Variants in IL17D observed in about 807,000 individuals in gnomAD.
IL17D encodes the protein interleukin-17D.
Under a neutral mutation model 5.7 loss-of-function variants are expected in IL17D, and 10 were observed. That is an observed-to-expected ratio of 1.75 (90% confidence interval 1.08 to 2.97). IL17D has a LOEUF of 2.97. IL17D is among the 30% of genes most tolerant of loss of function. The pLI, the probability that IL17D is intolerant of heterozygous loss-of-function variation, is 0.00. For synonymous variants in IL17D, 172 were observed against 141.7 expected (o/e 1.21, Z -1.52); for missense variants, 354 against 292.7 (o/e 1.21, Z -1.53).
chr13:20,719,692 G>A (rs2058716165), intron 1 of IL17D, among the ~76,000 whole-genome samples: 1 of 152,194 alleles, frequency 6.6e-6, no homozygotes. Flanking sequence ...ATCGGAAAAT[G>A]AACAGACACG....
intron 1 of IL17D, among the ~76,000 whole-genome samples, chr13:20,718,935 CACG>C (rs2058709078): frequency 6.7e-6 from 1 of 149,298 alleles, no homozygotes; most frequent in Non-Finnish European, 1.5e-5. Flanking sequence ...CACACCTGCC[CACG>C]CTCACACCTG....
At chr13:20,709,772 A>G (rs2058619865) in intron 1 of IL17D, among the ~76,000 whole-genome samples, 1 of 152,206 alleles carries the variant, frequency 6.6e-6, no homozygotes, top group African/African-American at 2.4e-5. Flanking sequence ...GAGAGCAGAA[A>G]GGGAATTTCT....
rs1406582804 is a variant in IL17D, at chr13:20,704,144, C to G, written c.143C>G (p.Ala48Gly). The change falls in exon 1 of 2, where the codon GCC becomes GGC. Residue 48 changes from alanine to glycine, a missense_variant. Ala to Gly is a moderately conservative substitution (Grantham distance 60). Transcript: ENST00000682841. ...LLEQLYGRLAAGVLSAFHHTL... is the reference protein window; with the variant it reads ...LLEQLYGRLAGGVLSAFHHTL... ...GAGCAGCTGTACGGGCGCCTGGCGG[C>G]CGGCGTGCTCAGTGCCTTCCACCAC... The G allele has an allele frequency of 7.4e-7, 1 of 1,346,820 alleles. No homozygotes were observed. The highest frequency in any genetic ancestry group is 9.6e-7 in the Non-Finnish European group (1 of 1,039,766). The allele number at this position is 1,346,820 out of a possible 1,614,324, so 83.4% of individuals were successfully genotyped here.
At position 20,718,736 on chromosome 13, in the gene IL17D, G is replaced by A. The variant is rs537656093; in HGVS notation, c.291-2900G>A. 2.9e-4 allele frequency among the ~76,000 whole-genome samples: 18 copies of A among 62,826 alleles called. 1 individual carries two copies. In the South Asian group the frequency reaches 6.5e-3, roughly 23 times the overall value. The allele number at this position is 62,826 out of a possible 152,430, so 41.2% of individuals were successfully genotyped here. A position where few individuals can be genotyped will look rare whatever the true frequency, so the allele number is the denominator to read the frequency against. ...CCTGCCCACTTACACACATGGCTACGCTCACACACACCTGCCTGTGCTCAC... is the reference window on the plus strand; with the variant it reads ...CCTGCCCACTTACACACATGGCTACACTCACACACACCTGCCTGTGCTCAC... On this transcript the variant is annotated intron_variant, in intron 1 of 1. Coordinates refer to ENST00000682841, the MANE Select transcript of IL17D (RefSeq NM_001385224.1).
chr13:20,710,351 C>G (rs1430656005), intron 1 of IL17D, among the ~76,000 whole-genome samples: 1 of 150,286 alleles, frequency 6.7e-6, no homozygotes, highest in Non-Finnish European at 1.5e-5. Context: ...CAGTGGCTCA[C>G]ACCTGTAATC....
chr13:20,711,448 C>G (rs898261183), intron 1 of IL17D, among the ~76,000 whole-genome samples: 5 of 152,138 alleles, frequency 3.3e-5, no homozygotes, highest in Non-Finnish European at 7.4e-5. Context: ...GCAGAGCCCT[C>G]CTGACCCAGT....
At position 20,719,517 on chromosome 13, in the gene IL17D, G is replaced by A. The variant is rs549546923; in HGVS notation, c.291-2119G>A. On this transcript the variant is annotated intron_variant, in intron 1 of 1. Coordinates refer to ENST00000682841, the MANE Select transcript of IL17D (RefSeq NM_001385224.1). ...CACACATGCTCACACTCATGTTCACGGTCAAATTTCTGTATTGTCCCATAA... is the reference window on the plus strand; with the variant it reads ...CACACATGCTCACACTCATGTTCACAGTCAAATTTCTGTATTGTCCCATAA... Among the ~76,000 whole-genome samples, 29 of 152,188 alleles carry A rather than the reference G, an allele frequency of 1.9e-4. No individual in the cohort carries two copies. In the East Asian group the frequency reaches 3.9e-3, roughly 20 times the overall value.
chr13:20,717,629 G>A (rs41523644), intron 1 of IL17D, among the ~76,000 whole-genome samples: 53,780 of 152,058 alleles, frequency 0.35, 11,431 homozygotes, highest in Non-Finnish European at 0.48. Flanking sequence ...AAGCCCCCGC[G>A]CCCTGGGCAG....
At chr13:20,705,344 G>A (rs2058583638) in intron 1 of IL17D, among the ~76,000 whole-genome samples, 2 of 151,982 alleles carry the variant, frequency 1.3e-5, no homozygotes, top group South Asian at 4.2e-4. Context: ...TAGGCGAGGT[G>A]TTTGCCTGTG....
intron 1 of IL17D, among the ~76,000 whole-genome samples, chr13:20,715,828 C>T (rs893380214): frequency 6.6e-6 from 1 of 152,078 alleles, no homozygotes; most frequent in South Asian, 2.1e-4. Flanking sequence ...ACTGCAGCCT[C>T]GACCTCCCAG....
chr13:20,714,712 G>A (rs2058665148), intron 1 of IL17D, among the ~76,000 whole-genome samples: 1 of 152,214 alleles, frequency 6.6e-6, no homozygotes, highest in South Asian at 2.1e-4. Context: ...GCCCTGGGCA[G>A]ACCTCATTGC....
rs1269133012 is a variant in IL17D at position 20,708,978 on chromosome 13, AGAAAG to A, written c.290+4688_290+4692del. Among the ~76,000 whole-genome samples the A allele has an allele frequency of 1.1e-4, 14 of 131,128 alleles. 1 individual carries two copies. Among genetic ancestry groups the A allele is most frequent in the African/African-American group, 1.1e-4 (4 of 36,616 alleles). 86.0% of individuals were successfully genotyped at this position (131,128 alleles called of 152,430 possible). On this transcript the variant is annotated intron_variant, in intron 1 of 1. Transcript: ENST00000682841. Reference sequence around the variant, plus strand: ...TCTGTCTCAAAAAAAAAAAAAAAAAAGAAAGAAAGAAAAGAAAAGGACCAGTGACA... The same window carrying A: ...TCTGTCTCAAAAAAAAAAAAAAAAAAAAAGAAAAGAAAAGGACCAGTGACA...
rs1272274041 is a variant in IL17D, at chr13:20,716,228, AC to A, written c.291-5406del. 1 of 295,920 alleles carries A rather than the reference AC, an allele frequency of 3.4e-6. No individual in the cohort carries two copies. The highest frequency in any genetic ancestry group is 5.0e-6 in the Non-Finnish European group (1 of 199,730). The allele number at this position is 295,920 out of a possible 1,614,324, so 18.3% of individuals were successfully genotyped here. On this transcript the variant is annotated intron_variant, in intron 1 of 1. Coordinates refer to ENST00000682841, the MANE Select transcript of IL17D (RefSeq NM_001385224.1). The surrounding 1 kb of genome is among the most constrained non-coding windows in gnomAD (Gnocchi z 4.2). ...AGAGGACGGCGGATGTCTTGGTATT[AC>A]CATGGTTGTATAACGTCTTGAGATC...
chr13:20,712,232 CATT>C (rs763506839), intron 1 of IL17D, among the ~76,000 whole-genome samples: 15 of 152,192 alleles, frequency 9.9e-5, no homozygotes, highest in Non-Finnish European at 2.1e-4. Context: ...GGGGTTATAA[CATT>C]AGAGAAAGAT....
chr13:20,715,273 G>A (rs1356263118), intron 1 of IL17D, among the ~76,000 whole-genome samples: 1 of 151,426 alleles, frequency 6.6e-6, no homozygotes, highest in African/African-American at 2.4e-5. Flanking sequence ...GGGTGGGGGG[G>A]ACACTGATTA....
chr13:20,717,225 G>A (rs1246205816), intron 1 of IL17D: 1 of 152,228 alleles, frequency 6.6e-6, no homozygotes, highest in African/African-American at 2.4e-5. Context: ...GATCCCATCA[G>A]AGGGGAAAAC....
At chr13:20,718,038 G>A (rs2058691292) in intron 1 of IL17D, among the ~76,000 whole-genome samples, 1 of 152,082 alleles carries the variant, frequency 6.6e-6, no homozygotes, top group Non-Finnish European at 1.5e-5. Flanking sequence ...GAACTCAGAG[G>A]GCCGGGCGAT....
intron 1 of IL17D, among the ~76,000 whole-genome samples, chr13:20,706,129 C>G (rs1384621914): frequency 1.3e-5 from 2 of 152,178 alleles, no homozygotes; most frequent in Non-Finnish European, 2.9e-5. Context: ...GAGCCCCTGC[C>G]CACGGGGAAG....
intron 1 of IL17D, among the ~76,000 whole-genome samples, chr13:20,708,110 G>A (rs1002018369): frequency 3.3e-5 from 5 of 152,004 alleles, no homozygotes; most frequent in African/African-American, 9.7e-5. Context: ...ACAGGGTTTC[G>A]CCATGTTGGC....
Sources: allele counts gnomAD v4.1 joint callset (sites outside exome capture counted in the v4.1 genomes callset), GRCh38; gene constraint gnomAD v4.1.1; non-coding constraint Gnocchi (gnomAD v3.1); transcripts MANE v1.5; gene names NCBI Gene and HGNC (gene_info 2026-07-23, HGNC 2026-07-21).